NOVA1: variants seen among roughly 807,000 people sequenced by gnomAD.
NOVA1 encodes RNA-binding protein Nova-1.
In NOVA1, 7 loss-of-function variants were observed where a neutral mutation model predicts 38.0. The ratio of observed to expected loss-of-function variants is 0.18; its 90% CI spans 0.10 to 0.35. The LOEUF (loss-of-function observed/expected upper bound fraction) is 0.35, where lower values mean the gene tolerates loss of function less well. Ranked by LOEUF, NOVA1 falls within the 10% of genes least tolerant of loss-of-function variation. The probability of loss-of-function intolerance (pLI) is 1.00; values close to 1 mark genes in which losing one functional copy is unlikely to be tolerated. For synonymous variants in NOVA1, 270 were observed against 232.5 expected (o/e 1.16, Z -1.47); for missense variants, 460 against 616.0 (o/e 0.75, Z 2.68).
intron 4 of NOVA1, chr14:26,470,211 C>T (rs1047272569): frequency 1.9e-6 from 2 of 1,032,716 alleles, no homozygotes; most frequent in Non-Finnish European, 1.3e-6. Context: ...ATATTAAAAC[C>T]TATTTTCTTA....
intron 2 of NOVA1, among the ~76,000 whole-genome samples, chr14:26,524,347 T>C (rs1296817294): frequency 6.6e-6 from 1 of 152,154 alleles, no homozygotes; most frequent in African/African-American, 2.4e-5. Flanking sequence ...CAGGAAGACC[T>C]TTACTTGTAT....
intron 2 of NOVA1, among the ~76,000 whole-genome samples, chr14:26,550,454 T>C (rs1011687435): frequency 6.6e-6 from 1 of 152,186 alleles, no homozygotes; most frequent in Non-Finnish European, 1.5e-5. Flanking sequence ...ACAGTCTTCA[T>C]CCTTAGCCCA....
At chr14:26,500,364 C>T (rs539044417) in intron 2 of NOVA1, among the ~76,000 whole-genome samples, 5 of 152,158 alleles carry the variant, frequency 3.3e-5, no homozygotes, top group Non-Finnish European at 4.4e-5. Context: ...TACTGCTCGG[C>T]TTACTGAGTG....
At chr14:26,466,469 C>T (rs1229274000) in intron 4 of NOVA1, among the ~76,000 whole-genome samples, 3 of 152,118 alleles carry the variant, frequency 2.0e-5, no homozygotes, top group Non-Finnish European at 2.9e-5. Context: ...ACTGTGAGAA[C>T]TGGACCAGAG....
intron 2 of NOVA1, among the ~76,000 whole-genome samples, chr14:26,491,101 C>G (rs535020264): frequency 6.6e-6 from 1 of 152,046 alleles, no homozygotes; most frequent in African/African-American, 2.4e-5. Context: ...CCGCCTGCCT[C>G]GGCCTCCCAA....
At chr14:26,550,166 G>A (rs867235695) in intron 2 of NOVA1, among the ~76,000 whole-genome samples, 33 of 151,976 alleles carry the variant, frequency 2.2e-4, no homozygotes, top group African/African-American at 6.3e-4. Flanking sequence ...ACCTAAAACC[G>A]GGCAAACATA....
At chr14:26,493,307 A>G (rs74042410) in intron 2 of NOVA1, among the ~76,000 whole-genome samples, 2,099 of 152,310 alleles carry the variant, frequency 0.014, 41 homozygotes, top group African/African-American at 0.046. Context: ...CTATGAACAA[A>G]ATCTGACTTA....
intron 2 of NOVA1, among the ~76,000 whole-genome samples, chr14:26,508,287 T>C (rs1472109038): frequency 2.6e-5 from 4 of 152,066 alleles, no homozygotes; most frequent in Non-Finnish European, 5.9e-5. Flanking sequence ...AGAATTAGGA[T>C]ATAATTTTCC....
chr14:26,488,161 A>C (rs1886064491), intron 2 of NOVA1, among the ~76,000 whole-genome samples: 1 of 152,186 alleles, frequency 6.6e-6, no homozygotes, highest in Admixed American at 6.5e-5. Flanking sequence ...TTTAAACTGC[A>C]AAAATTTGCA....
chr14:26,583,463 TA>T (rs1893338056), intron 2 of NOVA1, among the ~76,000 whole-genome samples: 1 of 151,624 alleles, frequency 6.6e-6, no homozygotes, highest in South Asian at 2.1e-4. Flanking sequence ...GAATAGCACT[TA>T]AATAAAGATT....
In NOVA1 at chr14:26,482,081, A is replaced by G. The variant is rs141007960; in HGVS notation, c.281-1938T>C. Among the ~76,000 whole-genome samples, 680 of 151,738 alleles carry G rather than the reference A, an allele frequency of 4.5e-3. 6 individuals carry two copies. The highest frequency in any genetic ancestry group is 0.016 in the African/African-American group (649 of 41,392). On this transcript the variant is annotated intron_variant, in intron 2 of 4. Transcript: ENST00000539517. ...CAATAAAATTCTGATAATACAAACC[A>G]TGTCAGACCACACAGTAGCCCCTAT...
chr14:26,458,792 A>G (rs2138598564), intron 4 of NOVA1, among the ~76,000 whole-genome samples: 1 of 152,210 alleles, frequency 6.6e-6, no homozygotes, highest in South Asian at 2.1e-4. Flanking sequence ...ACCTGTACAC[A>G]TACCCCCAAA....
At position 26,455,742 on chromosome 14, in the gene NOVA1, G is replaced by C. The variant is rs72670825; in HGVS notation, c.520-6779C>G. Among the ~76,000 whole-genome samples the C allele has an allele frequency of 2.8e-3, 429 of 152,052 alleles. 1 individual carries two copies. Among genetic ancestry groups the C allele is most frequent in the Non-Finnish European group, 5.3e-3 (361 of 67,904 alleles). On this transcript the variant is annotated intron_variant, in intron 4 of 4. Coordinates refer to ENST00000539517, the MANE Select transcript of NOVA1 (RefSeq NM_002515.3). ...ATGCTTTCTAGGTGAAGGAGGAACA[G>C]AAGAGAAGCACTTCAAACTATTCCT...
At position 26,548,044 on chromosome 14, in the gene NOVA1, A is replaced by G. The variant is rs942890980; in HGVS notation, c.280+47366T>C. On this transcript the variant is annotated intron_variant, in intron 2 of 4. Transcript: ENST00000539517. ...AAGAACTGTGCTGTATTGTCCAAAGATTATATTTCATAACAATGGAGTTAT... is the reference window on the plus strand; with the variant it reads ...AAGAACTGTGCTGTATTGTCCAAAGGTTATATTTCATAACAATGGAGTTAT... Among the ~76,000 whole-genome samples, 5 of 151,926 alleles carry G rather than the reference A, an allele frequency of 3.3e-5. No individual in the cohort carries two copies. In the South Asian group the frequency reaches 6.2e-4, roughly 19 times the overall value.
At chr14:26,483,667 T>C (rs1424852702) in intron 2 of NOVA1, among the ~76,000 whole-genome samples, 1 of 152,194 alleles carries the variant, frequency 6.6e-6, no homozygotes, top group Non-Finnish European at 1.5e-5. Flanking sequence ...TAAAAGTAGT[T>C]GAACCTAAAT....
chr14:26,452,813 C>T lies in NOVA1; in HGVS notation c.520-3850G>A, dbSNP rs190866784. Among the ~76,000 whole-genome samples the T allele has an allele frequency of 6.6e-5, 10 of 152,278 alleles. 1 individual carries two copies. In the East Asian group the frequency reaches 1.9e-3, roughly 29 times the overall value. The stretch of plus-strand genomic sequence containing the variant: ...GCATCTACCTAATCATTTATAAACG[C>T]TTACTGAATGGCCCAAGCCCTGTGT... On this transcript the variant is annotated intron_variant, in intron 4 of 4. Coordinates refer to ENST00000539517, the MANE Select transcript of NOVA1 (RefSeq NM_002515.3).
At chr14:26,538,286 A>G (rs1890243009) in intron 2 of NOVA1, among the ~76,000 whole-genome samples, 1 of 152,216 alleles carries the variant, frequency 6.6e-6, no homozygotes, top group South Asian at 2.1e-4. Flanking sequence ...AAAGTAAAAT[A>G]GCAAGATACA....
intron 2 of NOVA1, among the ~76,000 whole-genome samples, chr14:26,554,534 C>T (rs571716218): frequency 1.3e-5 from 2 of 152,162 alleles, no homozygotes; most frequent in South Asian, 2.1e-4. Context: ...ACTGACTTTA[C>T]TACATTAAAG....
intron 2 of NOVA1, among the ~76,000 whole-genome samples, chr14:26,505,963 G>T (rs1310048978): frequency 6.6e-6 from 1 of 151,958 alleles, no homozygotes; most frequent in Non-Finnish European, 1.5e-5. Context: ...AAAATATTTA[G>T]AAACCTTAAA....
Sources: allele counts gnomAD v4.1 joint callset (sites outside exome capture counted in the v4.1 genomes callset), GRCh38; gene constraint gnomAD v4.1.1; transcripts MANE v1.5; gene names NCBI Gene and HGNC (gene_info 2026-07-23, HGNC 2026-07-21).